Variants in PDLIM5 observed in about 807,000 individuals in gnomAD.
PDLIM5 encodes PDZ and LIM domain protein 5.
A neutral mutation model predicts 64.2 loss-of-function variants in PDLIM5; 34 were observed. The ratio of observed to expected loss-of-function variants is 0.53; its 90% CI spans 0.40 to 0.71. The LOEUF (loss-of-function observed/expected upper bound fraction) is 0.71, where lower values mean the gene tolerates loss of function less well. Among genes scored for constraint, PDLIM5 ranks in the 30% least tolerant of loss-of-function variants. PDLIM5 has a pLI of 0.00. For missense variants in PDLIM5, 683 were observed against 733.6 expected (o/e 0.93, Z 0.80); for synonymous variants, 253 against 269.1 (o/e 0.94, Z 0.59).
At chr4:94,634,341 T>C (rs1171724997) in intron 8 of PDLIM5, among the ~76,000 whole-genome samples, 1 of 152,134 alleles carries the variant, frequency 6.6e-6, no homozygotes, top group African/African-American at 2.4e-5. Flanking sequence ...ATGTGTTTTT[T>C]GTATCACCAT....
At chr4:94,567,032 C>T (rs370701926) in intron 3 of PDLIM5, among the ~76,000 whole-genome samples, 74 of 152,218 alleles carry the variant, frequency 4.9e-4, no homozygotes, top group Non-Finnish European at 5.4e-4. Context: ...CTCGCTCTGT[C>T]GCCCAGGCTG....
chr4:94,618,133 G>A lies in PDLIM5; in HGVS notation c.1050G>A (p.Lys350=). ...VTSLTAAAAF[K]PVGSTGVIKS... ...GCCTCACAGCTGCAGCTGCCTTCAA[G>A]CCTGTAGGATCCACTGGCGTCATCA... Residue 350 remains lysine (K), a synonymous_variant, in exon 8 of 13, where the codon AAG becomes AAA. Transcript: ENST00000317968. 1.9e-6 allele frequency: 3 copies of A among 1,612,296 alleles called. No homozygotes were observed. The highest frequency in any genetic ancestry group is 2.5e-6 in the Non-Finnish European group (3 of 1,179,226).
At position 94,664,548 on chromosome 4, in the gene PDLIM5, T is replaced by G; in HGVS notation, c.*481T>G. On this transcript the variant is annotated 3_prime_UTR_variant, in exon 13 of 13. Coordinates refer to ENST00000317968, the MANE Select transcript of PDLIM5 (RefSeq NM_006457.5). ...TAAATAGGATTTTAAACAGAGAATT[T>G]TATCAGTAATAGGTGTCAGTTTTTA... 1.2e-6 allele frequency: 1 copy of G among 853,518 alleles called. No individual in the cohort carries two copies. The highest frequency in any genetic ancestry group is 1.2e-4 in the East Asian group (1 of 8,268). 52.9% of individuals were successfully genotyped at this position (853,518 alleles called of 1,614,324 possible).
chr4:94,545,187 T>G (rs892624305), intron 3 of PDLIM5, among the ~76,000 whole-genome samples: 4 of 152,226 alleles, frequency 2.6e-5, no homozygotes, highest in Non-Finnish European at 1.5e-5. Flanking sequence ...AAAATATAGT[T>G]CGAATGTCTG....
chr4:94,537,983 A>G (rs2110173950), intron 3 of PDLIM5, among the ~76,000 whole-genome samples: 1 of 152,330 alleles, frequency 6.6e-6, no homozygotes, highest in South Asian at 2.1e-4. Context: ...TTTATTTCAT[A>G]GGAGACAGAG....
intron 2 of PDLIM5, chr4:94,456,781 A>G: frequency 1.7e-6 from 2 of 1,210,658 alleles, no homozygotes; most frequent in Non-Finnish European, 2.1e-6. Flanking sequence ...TGTGCAACGC[A>G]TGAAAATACT....
intron 2 of PDLIM5, among the ~76,000 whole-genome samples, chr4:94,464,341 A>C (rs1724158025): frequency 6.6e-6 from 1 of 152,190 alleles, no homozygotes; most frequent in South Asian, 2.1e-4. Context: ...TTTACCATTG[A>C]TTGGATCAGG....
At chr4:94,634,043 G>A (rs1310900052) in intron 8 of PDLIM5, among the ~76,000 whole-genome samples, 1 of 152,152 alleles carries the variant, frequency 6.6e-6, no homozygotes. Flanking sequence ...AATGGGCAAG[G>A]GGTAGAGTGG....
intron 2 of PDLIM5, among the ~76,000 whole-genome samples, chr4:94,510,077 A>G (rs1255049016): frequency 6.6e-6 from 1 of 152,234 alleles, no homozygotes; most frequent in East Asian, 1.9e-4. Context: ...TAGTAAATGA[A>G]TAAATGCATA....
At chr4:94,458,716 C>G (rs1723598166) in intron 2 of PDLIM5, among the ~76,000 whole-genome samples, 1 of 152,236 alleles carries the variant, frequency 6.6e-6, no homozygotes, top group Non-Finnish European at 1.5e-5. Flanking sequence ...CTTGAACATT[C>G]CATTTTCTTT....
At chr4:94,561,091 G>C (rs921294470) in intron 3 of PDLIM5, among the ~76,000 whole-genome samples, 6 of 152,040 alleles carry the variant, frequency 3.9e-5, no homozygotes, top group African/African-American at 1.5e-4. Flanking sequence ...TATTAGTGTC[G>C]GGTTTATTTG....
intron 9 of PDLIM5, 29 bp downstream of exon 9, chr4:94,640,479 A>C (rs1283382447): frequency 1.4e-6 from 2 of 1,404,656 alleles, no homozygotes; most frequent in Admixed American, 2.2e-5. Flanking sequence ...TTTTCTTGAA[A>C]GTACTTAATA....
intron 3 of PDLIM5, among the ~76,000 whole-genome samples, chr4:94,535,611 A>C (rs1471696518): frequency 6.6e-6 from 1 of 152,148 alleles, no homozygotes; most frequent in East Asian, 1.9e-4. Flanking sequence ...CAGACTAGGA[A>C]TAGAGTAGAG....
chr4:94,531,544 C>A (rs1323056649), intron 3 of PDLIM5, among the ~76,000 whole-genome samples: 7 of 152,080 alleles, frequency 4.6e-5, no homozygotes, highest in Admixed American at 4.6e-4. Context: ...AAAAAAACCT[C>A]ATAATGTTTT....
intron 7 of PDLIM5, among the ~76,000 whole-genome samples, chr4:94,593,514 G>T (rs545532949): frequency 7.9e-5 from 12 of 152,094 alleles, no homozygotes; most frequent in Non-Finnish European, 1.5e-4. Context: ...TTTTCTCTGT[G>T]GGGGCACAGA....
rs183560129 is a variant in PDLIM5, at chr4:94,478,397, C to T, written c.96+23013C>T. On this transcript the variant is annotated intron_variant, in intron 2 of 12. Transcript: ENST00000317968. ...AGTTTTTAGGGAGTCAAAAGTTATA[C>T]ATGAATCTTCAACTGCATGGGGATG... is the stretch of plus-strand genomic sequence containing the variant. Among the ~76,000 whole-genome samples, 13 of 152,070 alleles carry T rather than the reference C, an allele frequency of 8.5e-5. No homozygotes were observed. The East Asian group carries it at 2.5e-3, about 29-fold the overall frequency.
At chr4:94,538,055 T>G (rs529095823) in intron 3 of PDLIM5, among the ~76,000 whole-genome samples, 1 of 152,302 alleles carries the variant, frequency 6.6e-6, no homozygotes, top group Non-Finnish European at 1.5e-5. Context: ...CGTGGAAACT[T>G]CTAGCAAGGA....
At chr4:94,555,373 T>A (rs895237953) in intron 3 of PDLIM5, among the ~76,000 whole-genome samples, 1 of 152,222 alleles carries the variant, frequency 6.6e-6, no homozygotes, top group African/African-American at 2.4e-5. Context: ...TTTTTACTTA[T>A]GATATTTCCA....
chr4:94,543,409 A>G (rs1232521891), intron 3 of PDLIM5, among the ~76,000 whole-genome samples: 1 of 152,170 alleles, frequency 6.6e-6, no homozygotes, highest in Non-Finnish European at 1.5e-5. Context: ...TAATTAACAT[A>G]TGTATTATCC....
Sources: gnomAD v4.1 joint callset for allele counts (sites outside exome capture counted in the v4.1 genomes callset) on GRCh38, gnomAD v4.1.1 for gene constraint, MANE v1.5 for transcripts, NCBI Gene and HGNC (gene_info 2026-07-23, HGNC 2026-07-21) for gene names.